Variants in ARHGAP32 observed in about 807,000 individuals in gnomAD.
The protein encoded by ARHGAP32 is Rho GTPase activating protein 32, also known as rho GTPase-activating protein 32.
ARHGAP32 carries 51 observed loss-of-function variants against 186.5 expected under a neutral mutation model. That is an observed-to-expected ratio of 0.27 (90% CI 0.22 to 0.35). The LOEUF (loss-of-function observed/expected upper bound fraction) is 0.35, where lower values mean the gene tolerates loss of function less well. Ranked by LOEUF, ARHGAP32 falls within the 10% of genes least tolerant of loss-of-function variation. ARHGAP32 has a pLI of 1.00. For missense variants in ARHGAP32, 2,186 were observed against 2,623.5 expected, an observed-to-expected ratio of 0.83 and a Z score of 3.64; for synonymous variants, 950 against 964.3, an observed-to-expected ratio of 0.99 and a Z score of 0.27.
chr11:129,057,514 T>C (rs1417741124), intron 10 of ARHGAP32, among the ~76,000 whole-genome samples: 1 of 152,040 alleles, frequency 6.6e-6, no homozygotes, highest in Non-Finnish European at 1.5e-5. Context: ...TAATGTTGAA[T>C]TCCTAACCCC....
intron 2 of ARHGAP32, among the ~76,000 whole-genome samples, chr11:129,144,913 TATTAGAAAGCACC>T (rs545287494): frequency 3.3e-5 from 5 of 152,160 alleles, no homozygotes; most frequent in Non-Finnish European, 7.4e-5. Context: ...TGGAAAAAAC[TATTAGAAAGCACC>T]ATTAGCATAA....
At chr11:129,073,922 G>T (rs184968636) in intron 6 of ARHGAP32, among the ~76,000 whole-genome samples, 8 of 152,202 alleles carry the variant, frequency 5.3e-5, no homozygotes, top group South Asian at 4.1e-4. Flanking sequence ...AGCAAGAAGA[G>T]AGTAGAGTAA....
rs1418646789 is a variant in ARHGAP32 at position 128,965,651 on chromosome 11, GAA to G, written c.*3254_*3255del. The G allele has an allele frequency of 2.0e-5, 3 of 152,166 alleles. No homozygotes were observed. The highest frequency in any genetic ancestry group is 4.4e-5 in the Non-Finnish European group (3 of 68,036). The allele number at this position is 152,166 out of a possible 1,614,324, so 9.4% of individuals were successfully genotyped here. ...AAAATCACATGCCTCTAACCATGTG[GAA>G]GAAGTAACTGTCTGACATACTTTTG... On this transcript the variant is annotated 3_prime_UTR_variant, in exon 23 of 23. Coordinates refer to ENST00000682385, the MANE Select transcript of ARHGAP32 (RefSeq NM_001378024.1).
At chr11:129,088,794 G>C (rs943051439) in intron 6 of ARHGAP32, among the ~76,000 whole-genome samples, 6 of 152,092 alleles carry the variant, frequency 3.9e-5, no homozygotes, top group African/African-American at 7.2e-5. Context: ...TATAATCCCA[G>C]CACTCTGGGA....
chr11:129,279,307 G>A (rs1945580519), exon 1 of ARHGAP32: 1 of 144,496 alleles, frequency 6.9e-6, no homozygotes, highest in South Asian at 2.0e-4. Context: ...GAGGGCAGCC[G>A]CGGGGGCTCG....
At chr11:129,079,504 C>T (rs890919860) in intron 6 of ARHGAP32, among the ~76,000 whole-genome samples, 2 of 151,950 alleles carry the variant, frequency 1.3e-5, no homozygotes, top group African/African-American at 4.8e-5. Context: ...AACTAAGCTT[C>T]GTAAATGAAA....
At chr11:128,980,522 A>G in intron 18 of ARHGAP32, 31 bp downstream of exon 18, 1 of 1,539,920 alleles carries the variant, frequency 6.5e-7, no homozygotes, top group South Asian at 1.2e-5. Context: ...TATGAAAATC[A>G]TATCCCAAAA....
chr11:129,248,981 A>G (rs781071630), intron 1 of ARHGAP32, among the ~76,000 whole-genome samples: 1 of 152,214 alleles, frequency 6.6e-6, no homozygotes, highest in African/African-American at 2.4e-5. Context: ...TCACTTAGCA[A>G]ACCAAAAGAA....
At chr11:129,019,741 T>C (rs1342072036) in intron 11 of ARHGAP32, among the ~76,000 whole-genome samples, 1 of 152,144 alleles carries the variant, frequency 6.6e-6, no homozygotes, top group Non-Finnish European at 1.5e-5. Flanking sequence ...GCAATCCTAT[T>C]TGAAGATTTA....
chr11:129,262,062 C>T (rs1356433457), intron 1 of ARHGAP32, among the ~76,000 whole-genome samples: 3 of 151,982 alleles, frequency 2.0e-5, no homozygotes, highest in Admixed American at 6.6e-5. Flanking sequence ...AGAGAAAATA[C>T]GGAAACCTGA....
intron 1 of ARHGAP32, among the ~76,000 whole-genome samples, chr11:129,186,162 G>A (rs926221993): frequency 4.6e-5 from 7 of 152,090 alleles, no homozygotes; most frequent in African/African-American, 1.7e-4. Flanking sequence ...AGAAAAATTA[G>A]GTTTGGGTTT....
At chr11:129,220,307 G>A (rs564373403) in intron 1 of ARHGAP32, among the ~76,000 whole-genome samples, 1 of 152,234 alleles carries the variant, frequency 6.6e-6, no homozygotes, top group African/African-American at 2.4e-5. Context: ...TAAGGCAAAA[G>A]GAAGGGTCTG....
intron 1 of ARHGAP32, among the ~76,000 whole-genome samples, chr11:129,269,874 A>G (rs1945453507): frequency 6.6e-6 from 1 of 152,224 alleles, no homozygotes; most frequent in Non-Finnish European, 1.5e-5. Context: ...CCAAATGTGG[A>G]CAAGGATGTG....
Position 128,969,177 on chromosome 11 carries a change from C to T in ARHGAP32, c.6036G>A (p.Glu2012=), listed in dbSNP as rs776751855. The T allele has an allele frequency of 1.2e-6, 2 of 1,613,600 alleles. No individual in the cohort carries two copies. The highest frequency in any genetic ancestry group is 1.7e-6 in the Non-Finnish European group (2 of 1,179,776). ...SLKLHHTQNV[E]RDPSVLYQYQ... ...ACTGGTACAGCACACTGGGGTCCCTCTCCACGTTCTGGGTATGATGGAGTT... is the reference window on the plus strand; with the variant it reads ...ACTGGTACAGCACACTGGGGTCCCTTTCCACGTTCTGGGTATGATGGAGTT... The change falls in exon 23 of 23, where the codon GAG becomes GAA. Residue 2012 remains glutamate, a synonymous_variant. Coordinates refer to ENST00000682385, the MANE Select transcript of ARHGAP32 (RefSeq NM_001378024.1). The surrounding 1 kb of genome is among the most constrained non-coding windows in gnomAD (Gnocchi z 4.8).
intron 2 of ARHGAP32, among the ~76,000 whole-genome samples, chr11:129,130,200 T>C (rs1942778073): frequency 1.3e-5 from 2 of 152,112 alleles, no homozygotes; most frequent in African/African-American, 2.4e-5. Flanking sequence ...ACGATAAAAG[T>C]TTATTTATGA....
rs1194185116 is a variant in ARHGAP32, at chr11:128,968,856, G to C, written c.*51C>G. 2.3e-6 allele frequency: 3 copies of C among 1,291,382 alleles called. No individual in the cohort carries two copies. The highest frequency in any genetic ancestry group is 3.5e-5 in the Admixed American group (1 of 28,740). The allele number at this position is 1,291,382 out of a possible 1,614,324, so 80.0% of individuals were successfully genotyped here. A position where few individuals can be genotyped will look rare whatever the true frequency, so the allele number is the denominator to read the frequency against. ...ATCTTTTTGGTTATTGAAAAAAATAGAACAGTCCACTGTCCAGCAGAGGCT... is the reference window on the plus strand; with the variant it reads ...ATCTTTTTGGTTATTGAAAAAAATACAACAGTCCACTGTCCAGCAGAGGCT... On this transcript the variant is annotated 3_prime_UTR_variant, in exon 23 of 23. Transcript: ENST00000682385.
At chr11:129,118,980 T>G (rs1308309364) in intron 5 of ARHGAP32, among the ~76,000 whole-genome samples, 1 of 152,092 alleles carries the variant, frequency 6.6e-6, no homozygotes, top group Admixed American at 6.6e-5. Context: ...AGCAATTATC[T>G]GTACTAATTT....
intron 13 of ARHGAP32, among the ~76,000 whole-genome samples, chr11:128,986,912 T>C (rs112614702): frequency 2.0e-5 from 3 of 152,324 alleles, no homozygotes; most frequent in Admixed American, 6.5e-5. Flanking sequence ...AAATGGACAA[T>C]AGCCTCTGAG....
chr11:129,073,125 C>G (rs1940921335), intron 6 of ARHGAP32, among the ~76,000 whole-genome samples: 1 of 152,180 alleles, frequency 6.6e-6, no homozygotes, highest in Admixed American at 6.5e-5. Flanking sequence ...CTTCCCCCTA[C>G]ACACACACCT....
Sources: gnomAD v4.1 joint callset for allele counts (sites outside exome capture counted in the v4.1 genomes callset) on GRCh38, gnomAD v4.1.1 for gene constraint, Gnocchi (gnomAD v3.1) non-coding constraint, MANE v1.5 for transcripts, NCBI Gene and HGNC (gene_info 2026-07-23, HGNC 2026-07-21) for gene names.